Variants in GLP1R observed in about 807,000 individuals in gnomAD.
The protein encoded by GLP1R is glucagon like peptide 1 receptor, also known as glucagon-like peptide 1 receptor.
A neutral mutation model predicts 68.4 loss-of-function variants in GLP1R; 32 were observed. The ratio of observed to expected loss-of-function variants is 0.47; its 90% CI spans 0.35 to 0.63. The LOEUF is 0.63. GLP1R is among the 20% of genes least tolerant of loss of function. The pLI is 0.00. For missense variants in GLP1R, 502 were observed against 594.9 expected (o/e 0.84, Z 1.62); for synonymous variants, 263 against 244.4 (o/e 1.08, Z -0.71).
intron 12 of GLP1R, among the ~76,000 whole-genome samples, chr6:39,081,047 A>G (rs1768997649): frequency 6.6e-6 from 1 of 151,994 alleles, no homozygotes; most frequent in South Asian, 2.1e-4. Flanking sequence ...AGTGACTGTC[A>G]CTTACAAAGT....
Position 39,086,198 on chromosome 6 carries a change from CACACACA to C in GLP1R, c.*126_*132del. 1 of 574,022 alleles carries C rather than the reference CACACACA, an allele frequency of 1.7e-6. No homozygotes were observed. The highest frequency in any genetic ancestry group is 2.8e-6 in the Non-Finnish European group (1 of 356,562). 35.6% of individuals were successfully genotyped at this position (574,022 alleles called of 1,614,324 possible). The stretch of plus-strand genomic sequence containing the variant: ...ACACACACACACACACACACACACA[CACACACA>C]TACATCCTGCTTTCCCTCCCCAAAC... On this transcript the variant is annotated 3_prime_UTR_variant, in exon 13 of 13. Transcript: ENST00000373256. The surrounding 1 kb of genome is among the most constrained non-coding windows in gnomAD (Gnocchi z 4.5).
intron 3 of GLP1R, among the ~76,000 whole-genome samples, chr6:39,064,114 G>A (rs918577975): frequency 1.1e-4 from 17 of 149,302 alleles, no homozygotes; most frequent in Non-Finnish European, 1.6e-4. Context: ...AGTGATTTTC[G>A]TGCCTCAGCT....
At chr6:39,070,584 G>C (rs1410494707) in intron 5 of GLP1R, among the ~76,000 whole-genome samples, 1 of 152,190 alleles carries the variant, frequency 6.6e-6, no homozygotes, top group Non-Finnish European at 1.5e-5. Context: ...TAATAAAAGA[G>C]AGCTTCCTTT....
intron 7 of GLP1R, 95 bp from the exon 8 acceptor site, chr6:39,078,227 G>A (rs530745601): frequency 1.1e-6 from 1 of 875,408 alleles, no homozygotes; most frequent in South Asian, 1.3e-5. Context: ...GGGGCTGGAA[G>A]TGTGAGGGGC....
chr6:39,073,089 G>T, intron 6 of GLP1R, 74 bp downstream of exon 6: 3 of 1,383,932 alleles, frequency 2.2e-6, no homozygotes, highest in Non-Finnish European at 3.0e-6. Context: ...ACCCTAGACA[G>T]GCCTGGGACA....
chr6:39,078,873 C>A, intron 8 of GLP1R, 84 bp from the exon 9 acceptor site: 4 of 1,131,586 alleles, frequency 3.5e-6, no homozygotes, highest in Non-Finnish European at 4.0e-6. Context: ...TGGCCATGTG[C>A]ATTGGCGGCC....
intron 5 of GLP1R, among the ~76,000 whole-genome samples, chr6:39,069,949 G>T (rs1768615070): frequency 6.6e-6 from 1 of 152,220 alleles, no homozygotes; most frequent in Non-Finnish European, 1.5e-5. Context: ...TGGGTTTGAT[G>T]TCTAGTAAGG....
chr6:39,079,754 G>C lies in GLP1R; in HGVS notation c.1182+52G>C. 6.7e-7 allele frequency: 1 copy of C among 1,500,348 alleles called. No homozygotes were observed. The highest frequency in any genetic ancestry group is 1.7e-4 in the Middle Eastern group (1 of 5,800). The allele number at this position is 1,500,348 out of a possible 1,614,324, so 92.9% of individuals were successfully genotyped here. On this transcript the variant is annotated intron_variant, in intron 11 of 12. Transcript: ENST00000373256. This position sits in a 1 kb window ranked among gnomAD's most constrained non-coding sequence, Gnocchi z 4.5. ...TTGTAAAGTCCTAGAGTGGGGGTGG[G>C]ACAGACACCAGCCTGCATCATGCAG...
Position 39,049,971 on chromosome 6 carries a change from A to G in GLP1R, c.78+1053A>G, listed in dbSNP as rs550296829. Among the ~76,000 whole-genome samples, 1 of 152,276 alleles carries G rather than the reference A, an allele frequency of 6.6e-6. No homozygotes were observed. Among genetic ancestry groups the G allele is most frequent in the African/African-American group, 2.4e-5 (1 of 41,544 alleles). ...TGAGATCTGTGGGGAGTGGACCTGA[A>G]CGAACCTTGAAGTTTGTCCCAGAAC... On this transcript the variant is annotated intron_variant, in intron 1 of 12. Coordinates refer to ENST00000373256, the MANE Select transcript of GLP1R (RefSeq NM_002062.5). The surrounding 1 kb of genome is among the most constrained non-coding windows in gnomAD (Gnocchi z 4.5).
At chr6:39,065,569 G>T in intron 3 of GLP1R, 142 bp from the exon 4 acceptor site, 1 of 597,228 alleles carries the variant, frequency 1.7e-6, no homozygotes, top group Non-Finnish European at 3.0e-6. Flanking sequence ...TGTAAAGAAG[G>T]GAAAAGGATG....
rs1768214159 is a variant in GLP1R at position 39,056,388 on chromosome 6, TC to T, written c.79-3del. The T allele has an allele frequency of 5.3e-6, 8 of 1,508,550 alleles. No homozygotes were observed. The highest frequency in any genetic ancestry group is 1.4e-5 in the African/African-American group (1 of 72,998). 93.4% of individuals were successfully genotyped at this position (1,508,550 alleles called of 1,614,324 possible). ...ACCCACAGGCCTCCCATATATGCCC[TC>T]CCCCCAGGGTGCCACTGTGTCCCTC... On this transcript the variant is annotated splice_region_variant and splice_polypyrimidine_tract_variant and intron_variant, in intron 1 of 12. Transcript: ENST00000373256.
At chr6:39,082,452 G>A (rs891100480) in intron 12 of GLP1R, among the ~76,000 whole-genome samples, 1 of 152,152 alleles carries the variant, frequency 6.6e-6, no homozygotes, top group African/African-American at 2.4e-5. Context: ...TGAAGGCAGC[G>A]CCAGGCAAAG....
chr6:39,054,801 C>T (rs1768172457), intron 1 of GLP1R, among the ~76,000 whole-genome samples: 1 of 152,196 alleles, frequency 6.6e-6, no homozygotes, highest in Non-Finnish European at 1.5e-5. Flanking sequence ...TTAGGGGCAG[C>T]ATGGAAGAGC....
At chr6:39,067,654 C>A (rs983099348) in intron 5 of GLP1R, among the ~76,000 whole-genome samples, 2 of 152,244 alleles carry the variant, frequency 1.3e-5, no homozygotes, top group Non-Finnish European at 2.9e-5. Flanking sequence ...CAAACCATAG[C>A]ATTCTGCCCC....
Position 39,078,532 on chromosome 6 carries a change from TCCCTGCCCCTGC to T in GLP1R, c.884+168_884+179del, listed in dbSNP as rs759058979. On this transcript the variant is annotated intron_variant, in intron 8 of 12. Transcript: ENST00000373256. Reference sequence around the variant, plus strand: ...GTGAATTTAGTTCTCTAATCTCCCCTCCCTGCCCCTGCCCCTGCCCCTGCCCCTGTCCCAGGA... The same window carrying T: ...GTGAATTTAGTTCTCTAATCTCCCCTCCCTGCCCCTGCCCCTGTCCCAGGA... The T allele has an allele frequency of 3.4e-5, 23 of 674,818 alleles. No homozygotes were observed. In the Middle Eastern group the frequency reaches 7.5e-4, roughly 22 times the overall value. The allele number at this position is 674,818 out of a possible 1,614,324, so 41.8% of individuals were successfully genotyped here.
rs1001563238 is a variant in GLP1R, at chr6:39,089,325, T to C, written c.*3252T>C. Among the ~76,000 whole-genome samples, 3 of 152,188 alleles carry C rather than the reference T, an allele frequency of 2.0e-5. No individual in the cohort carries two copies. The highest frequency in any genetic ancestry group is 2.9e-5 in the Non-Finnish European group (2 of 68,026). On this transcript the variant is annotated 3_prime_UTR_variant, in exon 13 of 13. Coordinates refer to ENST00000373256, the MANE Select transcript of GLP1R (RefSeq NM_002062.5). This position sits in a 1 kb window ranked among gnomAD's most constrained non-coding sequence, Gnocchi z 4.1. Reference sequence around the variant, plus strand: ...CTCTCTATGTGTTTGAAAAGTTGTATTGATAGTCACACAGAGTGTACTAAA... The same window carrying C: ...CTCTCTATGTGTTTGAAAAGTTGTACTGATAGTCACACAGAGTGTACTAAA...
At chr6:39,085,205 A>G (rs1769112630) in intron 12 of GLP1R, among the ~76,000 whole-genome samples, 1 of 152,196 alleles carries the variant, frequency 6.6e-6, no homozygotes, top group Admixed American at 6.5e-5. Flanking sequence ...GCCCCCAAGC[A>G]TCAGCCCTCC....
chr6:39,073,868 G>C, intron 7 of GLP1R, 99 bp downstream of exon 7: 1 of 1,086,372 alleles, frequency 9.2e-7, no homozygotes, highest in Non-Finnish European at 1.4e-6. Context: ...CTGAGCAAGG[G>C]GCAAGGCCCA....
rs376920720 is a variant in GLP1R at position 39,089,856 on chromosome 6, T to C, written c.*3783T>C. ...CAAAATCTATTCCAAAGGTTTATTT[T>C]CCCTCTGTTGAATTGATTCTAATCT... On this transcript the variant is annotated 3_prime_UTR_variant, in exon 13 of 13. Coordinates refer to ENST00000373256, the MANE Select transcript of GLP1R (RefSeq NM_002062.5). The surrounding 1 kb of genome is among the most constrained non-coding windows in gnomAD (Gnocchi z 4.1). Among the ~76,000 whole-genome samples, 1 of 152,190 alleles carries C rather than the reference T, an allele frequency of 6.6e-6. No individual in the cohort carries two copies. Among genetic ancestry groups the C allele is most frequent in the African/African-American group, 2.4e-5 (1 of 41,430 alleles).
Sources: gnomAD v4.1 joint callset for allele counts (sites outside exome capture counted in the v4.1 genomes callset) on GRCh38, gnomAD v4.1.1 for gene constraint, Gnocchi (gnomAD v3.1) non-coding constraint, MANE v1.5 for transcripts, NCBI Gene and HGNC (gene_info 2026-07-23, HGNC 2026-07-21) for gene names.